The following FAM227A variants were observed in gnomAD, a reference collection of about 807,000 sequenced individuals.
The protein encoded by FAM227A is protein FAM227A.
A neutral mutation model predicts 74.7 loss-of-function variants in FAM227A; 80 were observed. The ratio of observed to expected loss-of-function variants is 1.07; its 90% CI spans 0.89 to 1.29. The LOEUF is 1.29. Among genes scored for constraint, FAM227A ranks in the 50% most tolerant of loss-of-function variants. The pLI, the probability that FAM227A is intolerant of heterozygous loss-of-function variation, is 0.00. For missense variants in FAM227A, 654 were observed against 683.4 expected, an observed-to-expected ratio of 0.96 and a Z score of 0.48; for synonymous variants, 237 against 241.8, an observed-to-expected ratio of 0.98 and a Z score of 0.19.
intron 1 of FAM227A, among the ~76,000 whole-genome samples, chr22:38,654,410 C>T (rs572762215): frequency 3.3e-5 from 5 of 151,674 alleles, no homozygotes; most frequent in Non-Finnish European, 5.9e-5. Context: ...ATCCAAGCAG[C>T]GGGAAGTGAG....
intron 1 of FAM227A, among the ~76,000 whole-genome samples, chr22:38,652,620 C>T (rs1368665763): frequency 6.8e-6 from 1 of 145,990 alleles, no homozygotes; most frequent in Admixed American, 7.0e-5. Context: ...GGCGTGGTGG[C>T]TTACGCCTAT....
intron 5 of FAM227A, among the ~76,000 whole-genome samples, chr22:38,636,839 T>C (rs1404650447): frequency 2.7e-5 from 4 of 150,480 alleles, no homozygotes; most frequent in African/African-American, 9.8e-5. Flanking sequence ...TGGTATGATC[T>C]CGACTCACTG....
chr22:38,617,822 A>G (rs553360348), intron 11 of FAM227A, among the ~76,000 whole-genome samples: 410 of 152,162 alleles, frequency 2.7e-3, no homozygotes, highest in Non-Finnish European at 4.6e-3. Flanking sequence ...ACATAGCAAG[A>G]CTTCTCTATT....
At chr22:38,653,799 T>C (rs552461737) in intron 1 of FAM227A, 1 of 152,294 alleles carries the variant, frequency 6.6e-6, no homozygotes, top group South Asian at 2.1e-4. Context: ...GATTATTTAC[T>C]GAGTACCTAC....
chr22:38,613,424 T>TATATAATATATA (rs71197123), intron 11 of FAM227A, among the ~76,000 whole-genome samples: 5 of 113,524 alleles, frequency 4.4e-5, no homozygotes, highest in African/African-American at 1.8e-4. Flanking sequence ...ATATATATAA[T>TATATAATATATA]TTGTTTGTTT....
At position 38,582,850 on chromosome 22, in the gene FAM227A, A is replaced by G; in HGVS notation, c.*3275T>C. ...CTGTTGGAGCATAATGCAGTGGAGCACTTGTGCCTACCTTGCTCCTGGTAT... is the reference window on the plus strand; with the variant it reads ...CTGTTGGAGCATAATGCAGTGGAGCGCTTGTGCCTACCTTGCTCCTGGTAT... On this transcript the variant is annotated 3_prime_UTR_variant, in exon 17 of 17. Transcript: ENST00000535113. The G allele has an allele frequency of 2.6e-6, 4 of 1,550,366 alleles. No homozygotes were observed. The highest frequency in any genetic ancestry group is 1.7e-6 in the Non-Finnish European group (2 of 1,146,968).
In FAM227A at chr22:38,641,948, GGTGTGT is replaced by G. The variant is rs3042708; in HGVS notation, c.226-2230_226-2225del. On this transcript the variant is annotated intron_variant, in intron 3 of 16. Coordinates refer to ENST00000535113, the MANE Select transcript of FAM227A (RefSeq NM_001013647.2). ...ATTTAGCACTCCTGCCTCCCGAAAA[GGTGTGT>G]GTGTGTGTGTGTGTGTGTGTGCGCA... Among the ~76,000 whole-genome samples, 178 of 145,522 alleles carry G rather than the reference GGTGTGT, an allele frequency of 1.2e-3. 3 individuals carry two copies. The highest frequency in any genetic ancestry group is 3.6e-3 in the African/African-American group (143 of 39,862).
intron 3 of FAM227A, among the ~76,000 whole-genome samples, chr22:38,643,966 T>G (rs1339298663): frequency 2.0e-5 from 3 of 151,610 alleles, no homozygotes; most frequent in Non-Finnish European, 4.4e-5. Context: ...GCTAACATGG[T>G]GAAACCCCGT....
intron 13 of FAM227A, among the ~76,000 whole-genome samples, chr22:38,600,338 T>A (rs1229622173): frequency 6.7e-6 from 1 of 150,066 alleles, no homozygotes; most frequent in African/African-American, 2.5e-5. Context: ...ATATATAATT[T>A]TATTTTATTT....
chr22:38,643,622 A>G (rs755568744), intron 3 of FAM227A, among the ~76,000 whole-genome samples: 4 of 152,178 alleles, frequency 2.6e-5, no homozygotes, highest in Non-Finnish European at 4.4e-5. Context: ...AACTCTCACC[A>G]TAGGATCTAG....
At chr22:38,587,857 T>C (rs893143462) in intron 16 of FAM227A, among the ~76,000 whole-genome samples, 1 of 152,220 alleles carries the variant, frequency 6.6e-6, no homozygotes, top group African/African-American at 2.4e-5. Context: ...AAAAGGATTA[T>C]ACACTAGGAA....
chr22:38,604,785 C>A (rs1285260141), intron 13 of FAM227A, among the ~76,000 whole-genome samples: 2 of 152,082 alleles, frequency 1.3e-5, no homozygotes, highest in Non-Finnish European at 2.9e-5. Flanking sequence ...TCCCAAGTGG[C>A]TGGGATTATA....
chr22:38,585,786 C>A lies in FAM227A; in HGVS notation c.*339G>T. 2.5e-6 allele frequency: 1 copy of A among 399,212 alleles called. No homozygotes were observed. Among genetic ancestry groups the A allele is most frequent in the Non-Finnish European group, 4.5e-6 (1 of 224,004 alleles). The allele number at this position is 399,212 out of a possible 1,614,324, so 24.7% of individuals were successfully genotyped here. A position where few individuals can be genotyped will look rare whatever the true frequency, so the allele number is the denominator to read the frequency against. ...AACCTTTCTAAACCTGGGCTTGCTG[C>A]TGCGTAAAATGCAGTGGATAATCCC... On this transcript the variant is annotated 3_prime_UTR_variant, in exon 17 of 17. Transcript: ENST00000535113.
chr22:38,639,701 C>T lies in FAM227A; in HGVS notation c.249G>A (p.Glu83=). Residue 83 remains glutamate (E), a synonymous_variant, in exon 4 of 17, where the codon GAG becomes GAA. Transcript: ENST00000535113. ...GAGTTTTCTCTCTTAAAGCCTTCTTCTCCAACTCAAATCTCTCAATTGCCT... is the reference window on the plus strand; with the variant it reads ...GAGTTTTCTCTCTTAAAGCCTTCTTTTCCAACTCAAATCTCTCAATTGCCT... ...NSLAIERFEL[E]KKALREKTRS... is the part of the protein sequence containing the mutation. The T allele has an allele frequency of 6.4e-7, 1 of 1,551,826 alleles. No homozygotes were observed. The highest frequency in any genetic ancestry group is 8.7e-7 in the Non-Finnish European group (1 of 1,146,910).
chr22:38,622,026 T>C (rs2091701268), intron 10 of FAM227A, among the ~76,000 whole-genome samples: 1 of 152,188 alleles, frequency 6.6e-6, no homozygotes, highest in East Asian at 1.9e-4. Context: ...CCAGACCTAA[T>C]TGAAGACTAG....
At chr22:38,635,975 G>C (rs928537008) in intron 6 of FAM227A, among the ~76,000 whole-genome samples, 2 of 150,920 alleles carry the variant, frequency 1.3e-5, no homozygotes, top group African/African-American at 4.9e-5. Flanking sequence ...TGGGTACAGA[G>C]GGAGACCCTG....
chr22:38,623,061 A>AGAGAGAACTTGACCT, intron 10 of FAM227A, 111 bp downstream of exon 10: 1 of 732,234 alleles, frequency 1.4e-6, no homozygotes, highest in Non-Finnish European at 2.3e-6. Flanking sequence ...GGGGTACCCG[A>AGAGAGAACTTGACCT]GAGAGAACTT....
intron 1 of FAM227A, among the ~76,000 whole-genome samples, chr22:38,651,578 T>G (rs1015114183): frequency 8.9e-4 from 136 of 152,052 alleles, no homozygotes; most frequent in South Asian, 1.2e-3. Flanking sequence ...GCCAGGCTGG[T>G]CTCGAACTCC....
At chr22:38,631,147 G>A (rs1012133158) in intron 6 of FAM227A, among the ~76,000 whole-genome samples, 19 of 152,222 alleles carry the variant, frequency 1.2e-4, no homozygotes, top group African/African-American at 4.6e-4. Context: ...CAGCCTGGGC[G>A]ACAGAGCGAG....
Sources: allele counts gnomAD v4.1 joint callset (sites outside exome capture counted in the v4.1 genomes callset), GRCh38; gene constraint gnomAD v4.1.1; transcripts MANE v1.5; gene names NCBI Gene and HGNC (gene_info 2026-07-23, HGNC 2026-07-21).